The following REV3L variants were observed in gnomAD, a reference collection of about 807,000 sequenced individuals.
REV3L encodes DNA polymerase zeta catalytic subunit.
A neutral mutation model predicts 299.4 loss-of-function variants in REV3L; 69 were observed. The ratio of observed to expected loss-of-function variants is 0.23; its 90% CI spans 0.19 to 0.28. The LOEUF (loss-of-function observed/expected upper bound fraction) is 0.28. Ranked by LOEUF, REV3L falls within the 10% of genes least tolerant of loss-of-function variation. The probability of loss-of-function intolerance (pLI) is 1.00; values close to 1 mark genes in which losing one functional copy is unlikely to be tolerated. For synonymous variants in REV3L, 1,238 were observed against 1,271.4 expected, an observed-to-expected ratio of 0.97 and a Z score of 0.56; for missense variants, 3,128 against 3,693.8, an observed-to-expected ratio of 0.85 and a Z score of 3.97.
At chr6:111,424,433 C>G (rs1017745438) in intron 1 of REV3L, among the ~76,000 whole-genome samples, 5 of 152,222 alleles carry the variant, frequency 3.3e-5, no homozygotes, top group Admixed American at 6.5e-5. Flanking sequence ...TCAAAAGCAA[C>G]TTTTTCAGAA....
At position 111,462,095 on chromosome 6, in the gene REV3L, G is replaced by GA. The variant is rs544347575; in HGVS notation, c.139+20654dup. ...GAAAGTAAAACAAAAAACAAAAACA[G>GA]AAAAAATATGTTGGGAGACAATTCT... On this transcript the variant is annotated intron_variant, in intron 1 of 31. Coordinates refer to ENST00000368802, the MANE Select transcript of REV3L (RefSeq NM_001372078.1). 1.3e-3 allele frequency among the ~76,000 whole-genome samples: 196 copies of GA among 152,126 alleles called. 5 individuals are homozygous for GA. In the East Asian group the frequency reaches 0.036, roughly 28 times the overall value.
Position 111,307,448 on chromosome 6 carries a change from A to G in REV3L, c.9165T>C (p.Ser3055=). 1 of 1,614,222 alleles carries G rather than the reference A, an allele frequency of 6.2e-7. No homozygotes were observed. The highest frequency in any genetic ancestry group is 8.5e-7 in the Non-Finnish European group (1 of 1,180,032). Reference sequence around the variant, plus strand: ...CATGCTGAGGTTGGCTCCGACATTTACTACAGATGCCATGCTGAGTTAGGT... The same window carrying G: ...CATGCTGAGGTTGGCTCCGACATTTGCTACAGATGCCATGCTGAGTTAGGT... ...CDDLTQHGIC[S]KCRSQPQHVA... The change falls in exon 31 of 32, where the codon AGT becomes AGC. Residue 3055 remains serine, a synonymous_variant. Transcript: ENST00000368802.
chr6:111,465,881 T>C (rs946687250), intron 1 of REV3L, among the ~76,000 whole-genome samples: 3 of 146,868 alleles, frequency 2.0e-5, no homozygotes, highest in Non-Finnish European at 4.5e-5. Flanking sequence ...TGAAAGGAAA[T>C]AGGAATAATA....
chr6:111,409,154 A>C (rs1012459166), intron 3 of REV3L, among the ~76,000 whole-genome samples: 1 of 152,226 alleles, frequency 6.6e-6, no homozygotes, highest in Non-Finnish European at 1.5e-5. Flanking sequence ...CTTCTGTTCA[A>C]TCTGTTGCAG....
intron 21 of REV3L, among the ~76,000 whole-genome samples, chr6:111,342,531 C>T (rs547125416): frequency 2.6e-5 from 4 of 151,918 alleles, no homozygotes; most frequent in Non-Finnish European, 4.4e-5. Context: ...AGCCAGTTGT[C>T]GTGGCGGGCG....
At position 111,482,744 on chromosome 6, in the gene REV3L, G is replaced by C; in HGVS notation, c.139+6C>G. The C allele has an allele frequency of 7.2e-7, 1 of 1,391,486 alleles. No individual in the cohort carries two copies. The allele number at this position is 1,391,486 out of a possible 1,614,324, so 86.2% of individuals were successfully genotyped here. On this transcript the variant is annotated splice_donor_region_variant and intron_variant, in intron 1 of 31. Coordinates refer to ENST00000368802, the MANE Select transcript of REV3L (RefSeq NM_001372078.1). The stretch of plus-strand genomic sequence containing the variant: ...CGCTCCCGCCCCGCGCCCGGCGCCC[G>C]CTTACCTGCCGGGGTCGCTCCGAAG...
At position 111,433,087 on chromosome 6, in the gene REV3L, C is replaced by G. The variant is rs906395504; in HGVS notation, c.140-16615G>C. ...AGTTTATAACAATAAACACCTATGT[C>G]AAAAAGTAGAAAGACTTCAAATAGA... is the stretch of plus-strand genomic sequence containing the variant. On this transcript the variant is annotated intron_variant, in intron 1 of 31. Transcript: ENST00000368802. 3.3e-5 allele frequency among the ~76,000 whole-genome samples: 5 copies of G among 152,106 alleles called. No homozygotes were observed. The East Asian group carries it at 9.7e-4, about 29-fold the overall frequency.
intron 30 of REV3L, chr6:111,307,880 C>T (rs933418178): frequency 3.2e-6 from 1 of 315,326 alleles, no homozygotes; most frequent in Non-Finnish European, 6.0e-6. Context: ...TGGTTTGCTG[C>T]ACCCATCAAC....
chr6:111,467,316 C>T (rs1384638445), intron 1 of REV3L, among the ~76,000 whole-genome samples: 1 of 152,214 alleles, frequency 6.6e-6, no homozygotes, highest in African/African-American at 2.4e-5. Flanking sequence ...TTCCTGGCTT[C>T]CCACAATCTC....
chr6:111,385,523 G>T (rs945845288), intron 9 of REV3L, among the ~76,000 whole-genome samples: 1 of 152,068 alleles, frequency 6.6e-6, no homozygotes, highest in African/African-American at 2.4e-5. Context: ...TTACATCAGG[G>T]TAGGGAAGGT....
chr6:111,442,055 T>C (rs1212160898), intron 1 of REV3L, among the ~76,000 whole-genome samples: 2 of 152,244 alleles, frequency 1.3e-5, no homozygotes, highest in Admixed American at 1.3e-4. Context: ...TTTCCCTGAG[T>C]TGGTTACGGC....
chr6:111,479,771 A>T (rs1793400551), intron 1 of REV3L, among the ~76,000 whole-genome samples: 1 of 152,130 alleles, frequency 6.6e-6, no homozygotes, highest in African/African-American at 2.4e-5. Flanking sequence ...TCTGTCTTCC[A>T]AAGTGTTGGG....
chr6:111,333,007 C>T, intron 23 of REV3L, 116 bp downstream of exon 23: 3 of 1,181,928 alleles, frequency 2.5e-6, no homozygotes, highest in Non-Finnish European at 2.4e-6. Context: ...GGATACAGTC[C>T]ATTTATCTTG....
At chr6:111,314,195 T>C (rs1356018921) in intron 27 of REV3L, among the ~76,000 whole-genome samples, 1 of 152,226 alleles carries the variant, frequency 6.6e-6, no homozygotes, top group African/African-American at 2.4e-5. Context: ...ATTTGATATC[T>C]AAAGGTAAGT....
intron 1 of REV3L, among the ~76,000 whole-genome samples, chr6:111,440,960 G>A (rs1788196687): frequency 6.6e-6 from 1 of 152,190 alleles, no homozygotes; most frequent in African/African-American, 2.4e-5. Context: ...GAAGTCCGAT[G>A]TAATTTTTGC....
intron 4 of REV3L, among the ~76,000 whole-genome samples, chr6:111,397,987 C>G (rs1313069391): frequency 6.7e-6 from 1 of 149,158 alleles, no homozygotes; most frequent in Non-Finnish European, 1.5e-5. Flanking sequence ...CTGCCTAATG[C>G]TGAGAGTGGG....
At chr6:111,328,685 T>A (rs1404178083) in intron 25 of REV3L, among the ~76,000 whole-genome samples, 4 of 152,152 alleles carry the variant, frequency 2.6e-5, no homozygotes, top group African/African-American at 9.7e-5. Flanking sequence ...GAAAAACTGA[T>A]GTTATGTCAT....
chr6:111,431,343 C>T (rs1201546942), intron 1 of REV3L: 65 of 1,047,380 alleles, frequency 6.2e-5, no homozygotes, highest in Non-Finnish European at 9.8e-5. Context: ...GTAGAGCCAC[C>T]AGGATGTCTG....
At position 111,377,691 on chromosome 6, in the gene REV3L, G is replaced by C. The variant is rs891598438; in HGVS notation, c.1597+10C>G. ...ATAACCAATTTCTCACAGTAGACTT[G>C]TTTACTTACCACTATTTTCATCTGC... On this transcript the variant is annotated intron_variant, in intron 12 of 31. Transcript: ENST00000368802. 1.1e-5 allele frequency: 17 copies of C among 1,608,054 alleles called. No homozygotes were observed. Among genetic ancestry groups the C allele is most frequent in the Non-Finnish European group, 1.4e-5 (17 of 1,178,066 alleles).
Sources: allele counts gnomAD v4.1 joint callset (sites outside exome capture counted in the v4.1 genomes callset), GRCh38; gene constraint gnomAD v4.1.1; transcripts MANE v1.5; gene names NCBI Gene and HGNC (gene_info 2026-07-23, HGNC 2026-07-21).